Variants in CRYL1 observed in about 807,000 individuals in gnomAD.
CRYL1 encodes the protein lambda-crystallin homolog.
In CRYL1, 29 loss-of-function variants were observed where a neutral mutation model predicts 36.6. The ratio of observed to expected loss-of-function variants is 0.79; its 90% CI spans 0.59 to 1.08. The LOEUF (loss-of-function observed/expected upper bound fraction) is 1.08. CRYL1 is among the 50% of genes least tolerant of loss of function. CRYL1 has a pLI of 0.00. For missense variants in CRYL1, 411 were observed against 407.9 expected (o/e 1.01, Z -0.06); for synonymous variants, 152 against 151.5 (o/e 1.00, Z -0.02).
intron 1 of CRYL1, among the ~76,000 whole-genome samples, chr13:20,518,583 T>C (rs113964923): frequency 6.6e-6 from 1 of 152,136 alleles, no homozygotes; most frequent in African/African-American, 2.4e-5. Flanking sequence ...CTGAGTGAGA[T>C]AGTTGGCTAA....
intron 6 of CRYL1, among the ~76,000 whole-genome samples, chr13:20,411,533 T>C (rs2031523945): frequency 1.3e-5 from 2 of 152,216 alleles, no homozygotes; most frequent in Non-Finnish European, 2.9e-5. Flanking sequence ...AGCGTCTGTA[T>C]ACATTTCAAA....
chr13:20,494,032 C>T (rs2033562592), intron 2 of CRYL1, among the ~76,000 whole-genome samples: 1 of 152,210 alleles, frequency 6.6e-6, no homozygotes, highest in Admixed American at 6.5e-5. Context: ...GGGCCTAGCG[C>T]AGACTTTGTT....
chr13:20,453,468 A>ATATTCTAAT (rs59029327), intron 3 of CRYL1, among the ~76,000 whole-genome samples: 4 of 151,626 alleles, frequency 2.6e-5, no homozygotes, highest in South Asian at 2.1e-4. Flanking sequence ...ATATTTTGAA[A>ATATTCTAAT]ATGAAAACAC....
At chr13:20,416,121 A>G (rs1173560373) in intron 5 of CRYL1, among the ~76,000 whole-genome samples, 1 of 152,308 alleles carries the variant, frequency 6.6e-6, no homozygotes, top group Non-Finnish European at 1.5e-5. Context: ...CAGCCTCGCC[A>G]CGCTTGGTGT....
rs527746513 is a variant in CRYL1 at position 20,465,663 on chromosome 13, G to A, written c.276+23707C>T. 1.1e-4 allele frequency among the ~76,000 whole-genome samples: 17 copies of A among 152,236 alleles called. No homozygotes were observed. The South Asian group carries it at 1.7e-3, about 15-fold the overall frequency. On this transcript the variant is annotated intron_variant, in intron 3 of 7. Transcript: ENST00000298248. ...AAAAGGGTGGATTCATGCCACTCCC[G>A]AATTCTGCAGTATTGTTTTGAAGAT...
intron 2 of CRYL1, among the ~76,000 whole-genome samples, chr13:20,507,556 C>T (rs548780886): frequency 1.3e-5 from 2 of 152,276 alleles, no homozygotes; most frequent in African/African-American, 2.4e-5. Context: ...ACTGGGCCAG[C>T]TATGAAGCTA....
chr13:20,406,099 C>A (rs2031366926), intron 6 of CRYL1: 1 of 152,164 alleles, frequency 6.6e-6, no homozygotes, highest in Non-Finnish European at 1.5e-5. Context: ...TCTTTCAAAC[C>A]CTTAAAGGCT....
chr13:20,409,045 A>G lies in CRYL1; in HGVS notation c.739+4237T>C, dbSNP rs140377524. Among the ~76,000 whole-genome samples, 1,448 of 152,326 alleles carry G rather than the reference A, an allele frequency of 9.5e-3. 14 individuals are homozygous for G. Among genetic ancestry groups the G allele is most frequent in the African/African-American group, 0.033 (1,365 of 41,580 alleles). Reference sequence around the variant, plus strand: ...AAAACAGAGCCCGCATCACCAAGTCAGTCCTAAGCCAAAAGAACAAAGCTG... The same window carrying G: ...AAAACAGAGCCCGCATCACCAAGTCGGTCCTAAGCCAAAAGAACAAAGCTG... On this transcript the variant is annotated intron_variant, in intron 6 of 7. Coordinates refer to ENST00000298248, the MANE Select transcript of CRYL1 (RefSeq NM_015974.3).
At chr13:20,503,061 CCAGAGT>C (rs1324179497) in intron 2 of CRYL1, among the ~76,000 whole-genome samples, 3 of 152,136 alleles carry the variant, frequency 2.0e-5, no homozygotes, top group Admixed American at 6.5e-5. Context: ...ATCCTGCCGC[CCAGAGT>C]CAAAGTATTA....
At chr13:20,499,419 C>A (rs113367577) in intron 2 of CRYL1, among the ~76,000 whole-genome samples, 5,463 of 149,382 alleles carry the variant, frequency 0.037, 253 homozygotes, top group African/African-American at 0.11. Flanking sequence ...GAGGTCGAGG[C>A]GGGTGGATCG....
At chr13:20,524,415 T>C (rs908709049) in intron 1 of CRYL1, among the ~76,000 whole-genome samples, 2 of 152,000 alleles carry the variant, frequency 1.3e-5, no homozygotes, top group Admixed American at 6.6e-5. Flanking sequence ...TTCGCTCTTA[T>C]TGCCCAGACT....
chr13:20,426,619 T>C, intron 5 of CRYL1: 2 of 868,390 alleles, frequency 2.3e-6, no homozygotes, highest in Non-Finnish European at 2.8e-6. Context: ...CAGAGACACA[T>C]ACAGAGCCAG....
intron 2 of CRYL1, among the ~76,000 whole-genome samples, chr13:20,504,407 G>A (rs986058451): frequency 6.7e-6 from 1 of 149,148 alleles, no homozygotes; most frequent in African/African-American, 2.5e-5. Flanking sequence ...ACGTTCAAGC[G>A]ATTCTCCTGC....
chr13:20,483,340 AT>A (rs1401186728), intron 3 of CRYL1, among the ~76,000 whole-genome samples: 3 of 152,024 alleles, frequency 2.0e-5, no homozygotes, highest in African/African-American at 7.2e-5. Flanking sequence ...ATTTATTATT[AT>A]TTTTTTAAGA....
At chr13:20,508,370 A>G (rs1005940139) in intron 2 of CRYL1, among the ~76,000 whole-genome samples, 1 of 152,222 alleles carries the variant, frequency 6.6e-6, no homozygotes, top group African/African-American at 2.4e-5. Context: ...TGTGGGAATA[A>G]AAGATGAATT....
chr13:20,408,072 A>C (rs940555526), intron 6 of CRYL1, among the ~76,000 whole-genome samples: 11 of 152,328 alleles, frequency 7.2e-5, no homozygotes, highest in African/African-American at 2.4e-4. Context: ...TTTTAGAGAC[A>C]GGGTTTCACA....
chr13:20,424,719 G>A (rs1215292055), intron 5 of CRYL1, among the ~76,000 whole-genome samples: 11 of 152,182 alleles, frequency 7.2e-5, no homozygotes, highest in Admixed American at 2.6e-4. Flanking sequence ...TGCAGAGCCC[G>A]CACAGGCCTA....
At chr13:20,409,042 G>C (rs928778524) in intron 6 of CRYL1, among the ~76,000 whole-genome samples, 1 of 152,148 alleles carries the variant, frequency 6.6e-6, no homozygotes, top group Non-Finnish European at 1.5e-5. Flanking sequence ...GCATCACCAA[G>C]TCAGTCCTAA....
intron 1 of CRYL1, among the ~76,000 whole-genome samples, chr13:20,521,997 G>T (rs954342987): frequency 6.6e-6 from 1 of 152,132 alleles, no homozygotes; most frequent in Admixed American, 6.5e-5. Context: ...ACAAAAATTA[G>T]CAGGAAAATA....
Sources: gnomAD v4.1 joint callset for allele counts (sites outside exome capture counted in the v4.1 genomes callset) on GRCh38, gnomAD v4.1.1 for gene constraint, MANE v1.5 for transcripts, NCBI Gene and HGNC (gene_info 2026-07-23, HGNC 2026-07-21) for gene names.